MANEA: variants seen among roughly 807,000 people sequenced by gnomAD.
MANEA encodes mannosidase endo-alpha.
Under a neutral mutation model 36.8 loss-of-function variants are expected in MANEA, and 25 were observed. That is an observed-to-expected ratio of 0.68 (90% CI 0.50 to 0.95). The LOEUF (loss-of-function observed/expected upper bound fraction) is 0.95. Ranked by LOEUF, MANEA falls within the 40% of genes least tolerant of loss-of-function variation. The pLI is 0.00. For synonymous variants in MANEA, 198 were observed against 188.5 expected, an observed-to-expected ratio of 1.05 and a Z score of -0.41; for missense variants, 565 against 558.8, an observed-to-expected ratio of 1.01 and a Z score of -0.11.
chr6:95,587,581 T>C (rs1268579356), intron 2 of MANEA, among the ~76,000 whole-genome samples: 1 of 152,160 alleles, frequency 6.6e-6, no homozygotes, highest in East Asian at 1.9e-4. Flanking sequence ...TATTTTGAAC[T>C]GCACTTAACT....
At position 95,606,589 on chromosome 6, in the gene MANEA, T is replaced by C. The variant is rs2127946496; in HGVS notation, c.*184T>C. ...CCCTTCACAATACCACATGAGAAAA[T>C]ATCTGAGACAAAATGTATACAAATA... On this transcript the variant is annotated 3_prime_UTR_variant, in exon 5 of 5. Transcript: ENST00000358812. 3.0e-6 allele frequency: 1 copy of C among 331,034 alleles called. No homozygotes were observed. Among genetic ancestry groups the C allele is most frequent in the East Asian group, 4.9e-5 (1 of 20,548 alleles). 20.5% of individuals were successfully genotyped at this position (331,034 alleles called of 1,614,324 possible).
At chr6:95,604,715 T>C in intron 3 of MANEA, 112 bp from the exon 4 acceptor site, 1 of 478,092 alleles carries the variant, frequency 2.1e-6, no homozygotes. Context: ...CAATAAATAT[T>C]CATCTTTAAT....
At chr6:95,583,076 T>C (rs1582218786) in intron 1 of MANEA, among the ~76,000 whole-genome samples, 1 of 152,194 alleles carries the variant, frequency 6.6e-6, no homozygotes, top group Non-Finnish European at 1.5e-5. Flanking sequence ...CCATTTGTAA[T>C]TAATTAGATA....
rs1213601975 is a variant in MANEA, at chr6:95,607,336, T to C, written c.*931T>C. ...CTATTGTGTTATTCATGTCTTTAAA[T>C]CAGATACCAAATATTTTTTAGGAAA... On this transcript the variant is annotated 3_prime_UTR_variant, in exon 5 of 5. Transcript: ENST00000358812. 1 of 152,112 alleles carries C rather than the reference T, an allele frequency of 6.6e-6. No homozygotes were observed. Among genetic ancestry groups the C allele is most frequent in the Non-Finnish European group, 1.5e-5 (1 of 67,962 alleles). 9.4% of individuals were successfully genotyped at this position (152,112 alleles called of 1,614,324 possible). A position where few individuals can be genotyped will look rare whatever the true frequency, so the allele number is the denominator to read the frequency against.
At chr6:95,577,894 C>T (rs999972827) in intron 1 of MANEA, among the ~76,000 whole-genome samples, 1 of 152,258 alleles carries the variant, frequency 6.6e-6, no homozygotes, top group South Asian at 2.1e-4. Context: ...GCCTTTTACA[C>T]TGCTTTATCC....
Position 95,586,752 on chromosome 6 carries a change from G to T in MANEA, c.313G>T (p.Val105Leu), listed in dbSNP as rs1320689028. 6.2e-7 allele frequency: 1 copy of T among 1,613,528 alleles called. No individual in the cohort carries two copies. Among genetic ancestry groups the T allele is most frequent in the South Asian group, 1.1e-5 (1 of 91,080 alleles). Residue 105 changes from valine (V) to leucine (L), a missense_variant, in exon 2 of 5, where the codon GTA becomes TTA. Transcript: ENST00000358812. ...ELPPLNNYLHVFYYSWYGNPQ... is the reference protein window; with the variant it reads ...ELPPLNNYLHLFYYSWYGNPQ... ...ACCACCTCTGAACAATTATCTACAT[G>T]TATTTTATTACAGTTGGTATGGAAA...
intron 1 of MANEA, among the ~76,000 whole-genome samples, chr6:95,585,135 C>CATAT (rs60159619): frequency 0.014 from 2,117 of 150,324 alleles, 39 homozygotes; most frequent in African/African-American, 0.046. Context: ...TACTTATACT[C>CATAT]ATATATATAT....
chr6:95,590,742 T>C (rs1769372564), intron 2 of MANEA, among the ~76,000 whole-genome samples: 1 of 152,214 alleles, frequency 6.6e-6, no homozygotes, highest in Admixed American at 6.5e-5. Flanking sequence ...TTGAAAGTAT[T>C]CATTGCAAGG....
chr6:95,587,142 G>A (rs1015136708), intron 2 of MANEA, 159 bp downstream of exon 2: 8 of 562,998 alleles, frequency 1.4e-5, no homozygotes, highest in Non-Finnish European at 2.2e-5. Context: ...AAACATCCAG[G>A]CAACCACATT....
chr6:95,588,391 AC>A (rs1401400177), intron 2 of MANEA: 1 of 151,992 alleles, frequency 6.6e-6, no homozygotes, highest in African/African-American at 2.4e-5. Context: ...GTATGGACTA[AC>A]TTTTTTCAAG....
chr6:95,583,585 CT>C (rs1481645702), intron 1 of MANEA, among the ~76,000 whole-genome samples: 1 of 151,940 alleles, frequency 6.6e-6, no homozygotes, highest in Non-Finnish European at 1.5e-5. Flanking sequence ...ATACAGTTAA[CT>C]TTAGTTAGAT....
intron 1 of MANEA, among the ~76,000 whole-genome samples, chr6:95,583,235 A>C (rs9398417): frequency 8.6e-5 from 13 of 151,864 alleles, no homozygotes; most frequent in African/African-American, 3.1e-4. Context: ...GGGATGGGTA[A>C]GAGTTAGGAT....
intron 2 of MANEA, among the ~76,000 whole-genome samples, chr6:95,593,209 C>A (rs7772996): frequency 0.6 from 90,823 of 152,078 alleles, 27,550 homozygotes; most frequent in East Asian, 0.87. Flanking sequence ...CTCAGAAGTA[C>A]GACAATCACT....
Position 95,596,831 on chromosome 6 carries a change from T to C in MANEA, c.639T>C (p.His213=). The part of the protein sequence containing the change: ...NLVPTILDKA[H]KYNLKVTFHI... ...TACCCACTATTTTGGATAAAGCTCA[T>C]AAATATAACCTAAAGGTATTTTATT... Residue 213 remains histidine, a synonymous_variant, in exon 3 of 5, where the codon CAT becomes CAC. Coordinates refer to ENST00000358812, the MANE Select transcript of MANEA (RefSeq NM_024641.4). The C allele has an allele frequency of 6.5e-7, 1 of 1,533,028 alleles. No individual in the cohort carries two copies. The highest frequency in any genetic ancestry group is 1.4e-5 in the African/African-American group (1 of 73,366). 95.0% of individuals were successfully genotyped at this position (1,533,028 alleles called of 1,614,324 possible).
In MANEA at chr6:95,586,523, G is replaced by C; in HGVS notation, c.84G>C (p.Met28Ile). 2 of 1,613,960 alleles carry C rather than the reference G, an allele frequency of 1.2e-6. No individual in the cohort carries two copies. Among genetic ancestry groups the C allele is most frequent in the Non-Finnish European group, 1.7e-6 (2 of 1,179,944 alleles). ...FIFSLMMGLK[M>I]LRPNTATFGA... Reference sequence around the variant, plus strand: ...TCTCTCTGATGATGGGTTTAAAAATGCTGAGACCAAATACAGCTACTTTTG... The same window carrying C: ...TCTCTCTGATGATGGGTTTAAAAATCCTGAGACCAAATACAGCTACTTTTG... The change falls in exon 2 of 5, where the codon ATG becomes ATC. Residue 28 changes from methionine (M) to isoleucine (I), a missense_variant. By Grantham distance (10) the Met-to-Ile change is conservative. Transcript: ENST00000358812.
At chr6:95,597,078 G>T (rs922732687) in intron 3 of MANEA, among the ~76,000 whole-genome samples, 1 of 151,752 alleles carries the variant, frequency 6.6e-6, no homozygotes, top group Non-Finnish European at 1.5e-5. Context: ...AGTAGAAAGG[G>T]ATTGAAAGGT....
At chr6:95,598,411 T>G (rs1715902823) in intron 3 of MANEA, among the ~76,000 whole-genome samples, 1 of 152,136 alleles carries the variant, frequency 6.6e-6, no homozygotes, top group South Asian at 2.1e-4. Flanking sequence ...GAGGATCCAC[T>G]AACAGACTTT....
intron 3 of MANEA, among the ~76,000 whole-genome samples, chr6:95,602,387 C>T (rs1769609964): frequency 1.3e-5 from 2 of 151,982 alleles, no homozygotes; most frequent in Non-Finnish European, 2.9e-5. Flanking sequence ...GAAGACCTAC[C>T]TCAATTTTGT....
chr6:95,586,081 A>G (rs1440559268), intron 1 of MANEA, among the ~76,000 whole-genome samples: 1 of 152,226 alleles, frequency 6.6e-6, no homozygotes, highest in Non-Finnish European at 1.5e-5. Context: ...CATACATGTA[A>G]TCTGTTCAAG....
Sources: allele counts gnomAD v4.1 joint callset (sites outside exome capture counted in the v4.1 genomes callset), GRCh38; gene constraint gnomAD v4.1.1; transcripts MANE v1.5; gene names NCBI Gene and HGNC (gene_info 2026-07-23, HGNC 2026-07-21).